The following KIF5C variants were observed in gnomAD, a reference collection of about 807,000 sequenced individuals.
The protein encoded by KIF5C is kinesin family member 5C.
In KIF5C, 18 loss-of-function variants were observed where a neutral mutation model predicts 125.2. That is an observed-to-expected ratio of 0.14 (90% CI 0.10 to 0.21). The LOEUF (loss-of-function observed/expected upper bound fraction) is 0.21, where lower values mean the gene tolerates loss of function less well. KIF5C is among the 10% of genes least tolerant of loss of function. The pLI, the probability that KIF5C is intolerant of heterozygous loss-of-function variation, is 1.00. For missense variants in KIF5C, 780 were observed against 1,183.8 expected, an observed-to-expected ratio of 0.66 and a Z score of 5.01; for synonymous variants, 405 against 434.0, an observed-to-expected ratio of 0.93 and a Z score of 0.83.
chr2:148,986,644 G>A (rs1299420558), intron 15 of KIF5C, among the ~76,000 whole-genome samples: 1 of 152,152 alleles, frequency 6.6e-6, no homozygotes, highest in Non-Finnish European at 1.5e-5. Flanking sequence ...CAGATCAAGG[G>A]AATTTGTTTC....
rs528524922 is a variant in KIF5C at position 149,026,026 on chromosome 2, A to G, written c.*2956A>G. 6.5e-6 allele frequency: 1 copy of G among 152,806 alleles called. No homozygotes were observed. The highest frequency in any genetic ancestry group is 1.9e-4 in the East Asian group (1 of 5,190). 9.5% of individuals were successfully genotyped at this position (152,806 alleles called of 1,614,324 possible). On this transcript the variant is annotated 3_prime_UTR_variant, in exon 26 of 26. Transcript: ENST00000435030. ...GAATGTAGCATCTAGTGACTTTTTA[A>G]AGCCCTAACGTTTACATAAAGAAGC... is the stretch of plus-strand genomic sequence containing the variant.
At chr2:148,912,451 G>GTATA (rs1476404349) in intron 1 of KIF5C, among the ~76,000 whole-genome samples, 1 of 152,204 alleles carries the variant, frequency 6.6e-6, no homozygotes, top group African/African-American at 2.4e-5. Context: ...TTCTATGTGT[G>GTATA]TATATATGTT....
chr2:148,928,791 A>G (rs1211699761), intron 2 of KIF5C, among the ~76,000 whole-genome samples: 2 of 152,130 alleles, frequency 1.3e-5, no homozygotes, highest in East Asian at 3.9e-4. Flanking sequence ...CTCTGGACTC[A>G]AGGAGCTCTT....
Position 148,875,574 on chromosome 2 carries a change from G to GCCCCCCCCCCCCCCCCCC in KIF5C, c.-44_-43insCCCCCCCCCCCCCCCCCC. On this transcript the variant is annotated 5_prime_UTR_variant, in exon 1 of 26. Coordinates refer to ENST00000435030, the MANE Select transcript of KIF5C (RefSeq NM_004522.3). ...CTCCTCCCTCGTCGTTCCCGGCCCC[G>GCCCCCCCCCCCCCCCCCC]GCCCCCCACCCATCCCCGTGCCCCC... is the stretch of plus-strand genomic sequence containing the variant. 2.0e-6 allele frequency: 1 copy of GCCCCCCCCCCCCCCCCCC among 495,098 alleles called. No individual in the cohort carries two copies. The highest frequency in any genetic ancestry group is 1.9e-5 in the South Asian group (1 of 53,304). 30.7% of individuals were successfully genotyped at this position (495,098 alleles called of 1,614,324 possible). A position where few individuals can be genotyped will look rare whatever the true frequency, so the allele number is the denominator to read the frequency against.
chr2:148,887,908 C>A (rs567393421), intron 1 of KIF5C, among the ~76,000 whole-genome samples: 1 of 151,998 alleles, frequency 6.6e-6, no homozygotes, highest in Non-Finnish European at 1.5e-5. Context: ...AGGAAAGATG[C>A]GAAAAAGAAT....
chr2:148,920,425 G>C (rs922421538), intron 1 of KIF5C, among the ~76,000 whole-genome samples: 3 of 152,196 alleles, frequency 2.0e-5, no homozygotes, highest in African/African-American at 7.2e-5. Context: ...AGACTGTGGT[G>C]AGGAATAGTC....
intron 18 of KIF5C, 42 bp from the exon 19 acceptor site, chr2:148,998,358 G>T: frequency 6.4e-7 from 1 of 1,551,834 alleles, no homozygotes; most frequent in Non-Finnish European, 8.7e-7. Flanking sequence ...TGGGCTGAGT[G>T]CCAACGAGTA....
At chr2:149,003,808 C>T (rs1574830558) in intron 21 of KIF5C, among the ~76,000 whole-genome samples, 1 of 152,098 alleles carries the variant, frequency 6.6e-6, no homozygotes, top group East Asian at 1.9e-4. Flanking sequence ...GTATTTACAC[C>T]CCAGGAGATG....
chr2:148,935,579 A>AGTTTTG, intron 3 of KIF5C, among the ~76,000 whole-genome samples: 1 of 152,180 alleles, frequency 6.6e-6, no homozygotes, highest in Non-Finnish European at 1.5e-5. Flanking sequence ...TACAGTTTAA[A>AGTTTTG]AGTTATCAAG....
At chr2:148,948,449 A>G (rs1378988401) in intron 8 of KIF5C, among the ~76,000 whole-genome samples, 1 of 152,194 alleles carries the variant, frequency 6.6e-6, no homozygotes, top group Non-Finnish European at 1.5e-5. Flanking sequence ...ATTGTTATTT[A>G]GAGCCTAAAT....
chr2:148,984,217 T>G (rs985137120), intron 15 of KIF5C, among the ~76,000 whole-genome samples: 1 of 152,180 alleles, frequency 6.6e-6, no homozygotes, highest in East Asian at 1.9e-4. Flanking sequence ...AAAACCACAT[T>G]TAATTATTCA....
rs1028233250 is a variant in KIF5C, at chr2:148,983,018, A to G, written c.1570-602A>G. 4.9e-4 allele frequency among the ~76,000 whole-genome samples: 74 copies of G among 152,270 alleles called. 1 individual carries two copies. The highest frequency in any genetic ancestry group is 9.6e-4 in the Non-Finnish European group (65 of 68,038). On this transcript the variant is annotated intron_variant, in intron 14 of 25. Transcript: ENST00000435030. Reference sequence around the variant, plus strand: ...TTGACAAGAAAATAGAGCTTCTGCTATATAGTAAGAAACCAACTATTGAAC... The same window carrying G: ...TTGACAAGAAAATAGAGCTTCTGCTGTATAGTAAGAAACCAACTATTGAAC...
Position 148,875,575 on chromosome 2 carries a change from G to GGCCCCCCCCC in KIF5C, c.-43_-42insGCCCCCCCCC. Reference sequence around the variant, plus strand: ...TCCTCCCTCGTCGTTCCCGGCCCCGGCCCCCCACCCATCCCCGTGCCCCCT... The same window carrying GGCCCCCCCCC: ...TCCTCCCTCGTCGTTCCCGGCCCCGGGCCCCCCCCCCCCCCCACCCATCCCCGTGCCCCCT... On this transcript the variant is annotated 5_prime_UTR_variant, in exon 1 of 26. Coordinates refer to ENST00000435030, the MANE Select transcript of KIF5C (RefSeq NM_004522.3). 4.3e-6 allele frequency: 3 copies of GGCCCCCCCCC among 699,598 alleles called. No individual in the cohort carries two copies. The highest frequency in any genetic ancestry group is 7.7e-6 in the Non-Finnish European group (3 of 389,222). 43.3% of individuals were successfully genotyped at this position (699,598 alleles called of 1,614,324 possible).
In KIF5C at chr2:148,985,046, G is replaced by A. The variant is rs865989774; in HGVS notation, c.1716+1280G>A. Among the ~76,000 whole-genome samples the A allele has an allele frequency of 5.6e-4, 85 of 151,908 alleles. 1 individual carries two copies. Among genetic ancestry groups the A allele is most frequent in the South Asian group, 2.1e-4 (1 of 4,822 alleles). ...TCGAATTCCTGGCCTCAAGTGATTCGCCTGCCTCTGCCTCCCAAAGTGCTG... is the reference window on the plus strand; with the variant it reads ...TCGAATTCCTGGCCTCAAGTGATTCACCTGCCTCTGCCTCCCAAAGTGCTG... On this transcript the variant is annotated intron_variant, in intron 15 of 25. Transcript: ENST00000435030.
At chr2:148,957,637 A>G (rs1469802973) in intron 10 of KIF5C, among the ~76,000 whole-genome samples, 1 of 151,238 alleles carries the variant, frequency 6.6e-6, no homozygotes, top group Non-Finnish European at 1.5e-5. Context: ...TCAGGGCACA[A>G]AAATTCAGTA....
Position 148,924,902 on chromosome 2 carries a change from C to A in KIF5C, c.217+2675C>A, listed in dbSNP as rs562677088. Among the ~76,000 whole-genome samples the A allele has an allele frequency of 3.9e-5, 6 of 152,242 alleles. No homozygotes were observed. The highest frequency in any genetic ancestry group is 5.9e-5 in the Non-Finnish European group (4 of 68,034). ...TTCTGTAAGTAGTAATAAGTACTTA[C>A]CGTGGGGTAAGCAGTGCTGGGACTG... On this transcript the variant is annotated intron_variant, in intron 2 of 25. Coordinates refer to ENST00000435030, the MANE Select transcript of KIF5C (RefSeq NM_004522.3). The surrounding 1 kb of genome is among the most constrained non-coding windows in gnomAD (Gnocchi z 4.0).
chr2:149,007,951 G>T lies in KIF5C; in HGVS notation c.2446-12G>T, dbSNP rs756329484. ...GACAGCCTGTCCTGCTGACCCCTTG[G>T]TGTCAATGCAGAGTGTGGAGTTGGA... is the stretch of plus-strand genomic sequence containing the variant. On this transcript the variant is annotated splice_polypyrimidine_tract_variant and intron_variant, in intron 22 of 25. Coordinates refer to ENST00000435030, the MANE Select transcript of KIF5C (RefSeq NM_004522.3). 3.2e-5 allele frequency: 51 copies of T among 1,585,714 alleles called. No homozygotes were observed. Among genetic ancestry groups the T allele is most frequent in the Non-Finnish European group, 4.1e-5 (48 of 1,160,270 alleles).
chr2:148,923,820 A>G (rs1558896693), intron 2 of KIF5C, among the ~76,000 whole-genome samples: 1 of 152,044 alleles, frequency 6.6e-6, no homozygotes, highest in Non-Finnish European at 1.5e-5. Context: ...CTGTAGTAAT[A>G]CTCTTTGAGT....
At chr2:148,999,737 G>T (rs1681795284) in intron 19 of KIF5C, among the ~76,000 whole-genome samples, 1 of 152,246 alleles carries the variant, frequency 6.6e-6, no homozygotes, top group Non-Finnish European at 1.5e-5. Context: ...GGAGGGGGAA[G>T]CTTCCCTGGC....
Sources: gnomAD v4.1 joint callset for allele counts (sites outside exome capture counted in the v4.1 genomes callset) on GRCh38, gnomAD v4.1.1 for gene constraint, Gnocchi (gnomAD v3.1) non-coding constraint, MANE v1.5 for transcripts, NCBI Gene and HGNC (gene_info 2026-07-23, HGNC 2026-07-21) for gene names.